The following JAZF1 variants were observed in gnomAD, a reference collection of about 807,000 sequenced individuals.
The protein encoded by JAZF1 is JAZF zinc finger 1, also known as juxtaposed with another zinc finger protein 1.
Under a neutral mutation model 26.4 loss-of-function variants are expected in JAZF1, and 8 were observed. That is an observed-to-expected ratio of 0.30 (90% confidence interval 0.18 to 0.55). The LOEUF (loss-of-function observed/expected upper bound fraction) is 0.55. JAZF1 is among the 20% of genes least tolerant of loss of function. The pLI, the probability that JAZF1 is intolerant of heterozygous loss-of-function variation, is 0.94. For missense variants in JAZF1, 199 were observed against 322.0 expected, an observed-to-expected ratio of 0.62 and a Z score of 2.92; for synonymous variants, 126 against 122.3, an observed-to-expected ratio of 1.03 and a Z score of -0.20.
chr7:28,116,520 C>T (rs941533910), intron 1 of JAZF1, among the ~76,000 whole-genome samples: 10 of 152,280 alleles, frequency 6.6e-5, no homozygotes, highest in Non-Finnish European at 1.2e-4. Flanking sequence ...TCTTGGCTCA[C>T]TGCAACCTCC....
intron 2 of JAZF1, among the ~76,000 whole-genome samples, chr7:27,901,293 C>T (rs1239326356): frequency 6.6e-6 from 1 of 152,150 alleles, no homozygotes; most frequent in East Asian, 1.9e-4. Context: ...AGTACATATT[C>T]CTTAAGTAAA....
At chr7:28,178,421 T>C (rs891426937) in intron 1 of JAZF1, among the ~76,000 whole-genome samples, 4 of 152,232 alleles carry the variant, frequency 2.6e-5, no homozygotes, top group Non-Finnish European at 4.4e-5. Context: ...TCAGCTTATA[T>C]AAATTATAGT....
chr7:28,139,837 T>C (rs1234199333), intron 1 of JAZF1, among the ~76,000 whole-genome samples: 1 of 152,202 alleles, frequency 6.6e-6, no homozygotes, highest in East Asian at 1.9e-4. Flanking sequence ...AAGACATCTA[T>C]ATCCTGCCCT....
chr7:27,964,540 A>T (rs1670013686), intron 2 of JAZF1, among the ~76,000 whole-genome samples: 1 of 152,008 alleles, frequency 6.6e-6, no homozygotes, highest in African/African-American at 2.4e-5. Flanking sequence ...ACTGAACCTA[A>T]AATATTGTAC....
chr7:28,116,060 A>T (rs973082175), intron 1 of JAZF1, among the ~76,000 whole-genome samples: 4 of 152,214 alleles, frequency 2.6e-5, no homozygotes, highest in Non-Finnish European at 4.4e-5. Flanking sequence ...ACCAGTGGAT[A>T]CTTGAATTGC....
At chr7:27,927,495 GTGT>G (rs3073739) in intron 2 of JAZF1, among the ~76,000 whole-genome samples, 1,597 of 152,172 alleles carry the variant, frequency 0.01, 17 homozygotes, top group South Asian at 0.063. Flanking sequence ...CTTCCTTATA[GTGT>G]TGTTGTATGC....
At chr7:27,873,129 G>T (rs752261300) in intron 3 of JAZF1, among the ~76,000 whole-genome samples, 1 of 152,130 alleles carries the variant, frequency 6.6e-6, no homozygotes, top group Non-Finnish European at 1.5e-5. Flanking sequence ...TCCACATCAA[G>T]TCATTTCCCG....
intron 2 of JAZF1, among the ~76,000 whole-genome samples, chr7:27,959,184 A>G (rs1785149230): frequency 6.6e-6 from 1 of 152,254 alleles, no homozygotes; most frequent in Non-Finnish European, 1.5e-5. Context: ...AACAGCAGAT[A>G]AAGATTTGAC....
intron 3 of JAZF1, among the ~76,000 whole-genome samples, chr7:27,859,526 A>G (rs551648349): frequency 5.3e-5 from 8 of 152,366 alleles, no homozygotes; most frequent in African/African-American, 1.9e-4. Context: ...ACACCATGGA[A>G]TACTATGCAG....
intron 2 of JAZF1, among the ~76,000 whole-genome samples, chr7:27,929,183 A>G (rs554460829): frequency 1.3e-5 from 2 of 152,360 alleles, no homozygotes; most frequent in Admixed American, 6.5e-5. Context: ...AGGAGCTGCT[A>G]TATTCTGGTT....
At chr7:28,141,719 C>T (rs1379930410) in intron 1 of JAZF1, among the ~76,000 whole-genome samples, 1 of 152,164 alleles carries the variant, frequency 6.6e-6, no homozygotes, top group Non-Finnish European at 1.5e-5. Flanking sequence ...ATGTTAGGTG[C>T]TTGACAGATA....
intron 3 of JAZF1, among the ~76,000 whole-genome samples, chr7:27,892,017 C>A (rs975058990): frequency 1.3e-5 from 2 of 152,120 alleles, no homozygotes; most frequent in Non-Finnish European, 2.9e-5. Flanking sequence ...AGTGGGAATG[C>A]ACCATGAATA....
chr7:27,896,692 T>C (rs890335399), intron 2 of JAZF1, among the ~76,000 whole-genome samples: 3 of 152,248 alleles, frequency 2.0e-5, no homozygotes, highest in African/African-American at 7.2e-5. Context: ...TGGCGAAAGC[T>C]TGAAGTCAAT....
At chr7:28,150,445 C>G (rs908723871) in intron 1 of JAZF1, among the ~76,000 whole-genome samples, 1 of 152,200 alleles carries the variant, frequency 6.6e-6, no homozygotes, top group African/African-American at 2.4e-5. Flanking sequence ...AAAGAAACAA[C>G]AGTTTAGTGC....
chr7:27,923,374 A>C (rs2128348434), intron 2 of JAZF1, among the ~76,000 whole-genome samples: 1 of 152,382 alleles, frequency 6.6e-6, no homozygotes, highest in Non-Finnish European at 1.5e-5. Flanking sequence ...AACTGTCAAC[A>C]GCCAAAGTTA....
intron 2 of JAZF1, among the ~76,000 whole-genome samples, chr7:27,959,466 C>A (rs1785153435): frequency 6.6e-6 from 1 of 152,202 alleles, no homozygotes; most frequent in Admixed American, 6.5e-5. Flanking sequence ...ATACTTTACA[C>A]TGCTATTTAA....
At chr7:28,172,231 T>C (rs1020757295) in intron 1 of JAZF1, among the ~76,000 whole-genome samples, 1 of 152,228 alleles carries the variant, frequency 6.6e-6, no homozygotes, top group Non-Finnish European at 1.5e-5. Context: ...TCAAAATTTA[T>C]TCCTAATTAT....
chr7:27,990,771 T>C (rs59169036), intron 2 of JAZF1, among the ~76,000 whole-genome samples: 3,634 of 152,268 alleles, frequency 0.024, 137 homozygotes, highest in African/African-American at 0.08. Context: ...ACTGGCTCTG[T>C]AAGAAACCCA....
chr7:28,052,978 ATAC>A (rs1426129151), intron 1 of JAZF1, among the ~76,000 whole-genome samples: 3 of 152,176 alleles, frequency 2.0e-5, no homozygotes, highest in Non-Finnish European at 4.4e-5. Context: ...ATACAATTAA[ATAC>A]TAATTTCCTC....
Sources: gnomAD v4.1 joint callset for allele counts (sites outside exome capture counted in the v4.1 genomes callset) on GRCh38, gnomAD v4.1.1 for gene constraint, MANE v1.5 for transcripts, NCBI Gene and HGNC (gene_info 2026-07-23, HGNC 2026-07-21) for gene names.